The following GNPDA2 variants were observed in gnomAD, a reference collection of about 807,000 sequenced individuals.
GNPDA2 encodes glucosamine-6-phosphate deaminase 2, also known as glcN6P deaminase 2.
GNPDA2 carries 24 observed loss-of-function variants against 27.0 expected under a neutral mutation model. The observed-to-expected ratio is 0.89, with a 90% CI of 0.64 to 1.25. GNPDA2 has a LOEUF of 1.25. Among genes scored for constraint, GNPDA2 ranks in the 50% most tolerant of loss-of-function variants. GNPDA2 has a pLI of 0.00. For missense variants in GNPDA2, 286 were observed against 335.1 expected (o/e 0.85, Z 1.14); for synonymous variants, 94 against 108.4 (o/e 0.87, Z 0.83).
At chr4:44,705,438 A>C (rs1377923797) in intron 6 of GNPDA2, 6 of 985,066 alleles carry the variant, frequency 6.1e-6, no homozygotes, top group Non-Finnish European at 6.0e-6. Context: ...ACAGCTCCAA[A>C]GTGGAAAATA....
intron 6 of GNPDA2, chr4:44,704,272 G>C (rs1716449588): frequency 9.1e-6 from 9 of 984,318 alleles, no homozygotes; most frequent in Non-Finnish European, 1.1e-5. Context: ...ATGTCCAGTA[G>C]GAGAGGGGAC....
chr4:44,714,707 C>G, intron 4 of GNPDA2: 13 of 977,220 alleles, frequency 1.3e-5, no homozygotes, highest in Non-Finnish European at 1.6e-5. Flanking sequence ...CAATCCTCAT[C>G]TAAAAATCCA....
chr4:44,726,031 G>C (rs1560366708), intron 1 of GNPDA2, among the ~76,000 whole-genome samples: 1 of 152,126 alleles, frequency 6.6e-6, no homozygotes, highest in African/African-American at 2.4e-5. Context: ...AGGGTGGCCT[G>C]GCCGCGCGTG....
chr4:44,710,890 C>A, intron 5 of GNPDA2, 63 bp downstream of exon 5: 1 of 1,264,166 alleles, frequency 7.9e-7, no homozygotes, highest in Non-Finnish European at 1.1e-6. Flanking sequence ...AGCATCATAA[C>A]TCCTCCAAAA....
chr4:44,723,256 A>T (rs533538048), intron 1 of GNPDA2, among the ~76,000 whole-genome samples: 36 of 151,974 alleles, frequency 2.4e-4, no homozygotes, highest in South Asian at 1.7e-3. Flanking sequence ...CCTTTTTTTT[A>T]AAAAAATGGT....
intron 1 of GNPDA2, among the ~76,000 whole-genome samples, chr4:44,722,853 C>G (rs555570346): frequency 6.6e-6 from 1 of 151,970 alleles, no homozygotes; most frequent in African/African-American, 2.4e-5. Flanking sequence ...AAATAAAATG[C>G]CCAGTTATAG....
intron 6 of GNPDA2, 115 bp from the exon 7 acceptor site, chr4:44,703,257 T>G: frequency 1.4e-6 from 2 of 1,435,628 alleles, no homozygotes; most frequent in Non-Finnish European, 1.8e-6. Context: ...GTTCCCATCT[T>G]GATATAGTCA....
At chr4:44,717,341 T>C (rs1188056280) in intron 3 of GNPDA2, 46 bp from the exon 4 acceptor site, 1 of 1,084,948 alleles carries the variant, frequency 9.2e-7, no homozygotes, top group Non-Finnish European at 1.3e-6. Context: ...GAAATAAATC[T>C]AAAGTTTATT....
chr4:44,703,563 T>TC lies in GNPDA2; in HGVS notation c.770-422_770-421insG, dbSNP rs533861416. ...GAACTGCTGTCTCACTCTTAATACA[T>TC]TACCCTATCCATTCGTCTGGTAAAT... On this transcript the variant is annotated intron_variant, in intron 6 of 6. Transcript: ENST00000295448. 7.4e-4 allele frequency: 727 copies of TC among 988,008 alleles called. 4 individuals are homozygous for TC. The African/African-American group carries it at 0.012, about 16-fold the overall frequency. The allele number at this position is 988,008 out of a possible 1,614,324, so 61.2% of individuals were successfully genotyped here.
At chr4:44,705,011 G>A (rs879298308) in intron 6 of GNPDA2, 16 of 968,954 alleles carry the variant, frequency 1.7e-5, no homozygotes, top group Admixed American at 6.2e-5. Flanking sequence ...GGTATATACC[G>A]TTATATAGGT....
At chr4:44,708,134 T>C (rs929447208) in intron 5 of GNPDA2, among the ~76,000 whole-genome samples, 1 of 152,120 alleles carries the variant, frequency 6.6e-6, no homozygotes, top group African/African-American at 2.4e-5. Context: ...CAAAACAATA[T>C]CTTGTTATGG....
At chr4:44,715,529 C>T (rs185752451) in intron 4 of GNPDA2, among the ~76,000 whole-genome samples, 97 of 152,018 alleles carry the variant, frequency 6.4e-4, no homozygotes, top group African/African-American at 1.9e-3. Flanking sequence ...AGTAATTCTA[C>T]CAGATTTTGG....
intron 5 of GNPDA2, 88 bp from the exon 6 acceptor site, chr4:44,708,014 A>C (rs1254024422): frequency 1.3e-5 from 11 of 859,630 alleles, no homozygotes; most frequent in Non-Finnish European, 1.7e-5. Context: ...AAGCACCAAT[A>C]TTTTTTTCTG....
At chr4:44,722,303 T>G (rs2109723745) in intron 1 of GNPDA2, 61 bp from the exon 2 acceptor site, 2 of 1,262,656 alleles carry the variant, frequency 1.6e-6, no homozygotes, top group African/African-American at 1.5e-5. Flanking sequence ...ATTCAGTAAC[T>G]TTTTAAAAGA....
At position 44,710,929 on chromosome 4, in the gene GNPDA2, C is replaced by T. The variant is rs746012393; in HGVS notation, c.594+24G>A. 7 of 1,518,136 alleles carry T rather than the reference C, an allele frequency of 4.6e-6. No homozygotes were observed. The South Asian group carries it at 5.2e-5, about 11-fold the overall frequency. 94.0% of individuals were successfully genotyped at this position (1,518,136 alleles called of 1,614,324 possible). ...TAATATATTAACATGAAAAGAAAGA[C>T]AGCAAAGAATATTTAATGCTTACTT... On this transcript the variant is annotated intron_variant, in intron 5 of 6. Coordinates refer to ENST00000295448, the MANE Select transcript of GNPDA2 (RefSeq NM_138335.3).
intron 4 of GNPDA2, 59 bp from the exon 5 acceptor site, chr4:44,711,196 A>C (rs79162045): frequency 2.7e-6 from 3 of 1,102,442 alleles, no homozygotes; most frequent in Non-Finnish European, 2.4e-6. Context: ...ACAAAGTTCA[A>C]TGTGCGTTAA....
At chr4:44,716,408 T>G (rs1717286667) in intron 4 of GNPDA2, among the ~76,000 whole-genome samples, 1 of 151,960 alleles carries the variant, frequency 6.6e-6, no homozygotes, top group South Asian at 2.1e-4. Context: ...TAGTTGATGT[T>G]GAACTATTCT....
intron 5 of GNPDA2, 38 bp from the exon 6 acceptor site, chr4:44,707,964 C>T (rs372415562): frequency 2.8e-6 from 4 of 1,419,748 alleles, no homozygotes; most frequent in East Asian, 4.7e-5. Context: ...AAACTTGTTC[C>T]AAATGAGTAA....
intron 4 of GNPDA2, 98 bp downstream of exon 4, chr4:44,717,015 G>C: frequency 1.4e-6 from 1 of 739,918 alleles, no homozygotes; most frequent in South Asian, 1.9e-5. Flanking sequence ...AGCCACAGGT[G>C]CTCTTTACAT....
Sources: gnomAD v4.1 joint callset for allele counts (sites outside exome capture counted in the v4.1 genomes callset) on GRCh38, gnomAD v4.1.1 for gene constraint, MANE v1.5 for transcripts, NCBI Gene and HGNC (gene_info 2026-07-23, HGNC 2026-07-21) for gene names.